Variants in RHCE observed in about 807,000 individuals in gnomAD.
RHCE encodes Rh blood group CcEe antigens, also known as blood group Rh(CE) polypeptide.
A neutral mutation model predicts 43.8 loss-of-function variants in RHCE; 22 were observed. That is an observed-to-expected ratio of 0.50 (90% CI 0.36 to 0.72). The LOEUF is 0.72. Among genes scored for constraint, RHCE ranks in the 30% least tolerant of loss-of-function variants. The pLI is 0.00. For synonymous variants in RHCE, 156 were observed against 210.7 expected (o/e 0.74, Z 2.25); for missense variants, 385 against 525.4 (o/e 0.73, Z 2.61).
At chr1:25,402,796 C>T in intron 2 of RHCE, 50 bp from the exon 3 acceptor site, 1 of 1,606,426 alleles carries the variant, frequency 6.2e-7, no homozygotes, top group Non-Finnish European at 8.5e-7. Flanking sequence ...GGATGCCTCT[C>T]ACTCATTCAT....
chr1:25,427,779 T>C (rs2042816646), intron 2 of RHCE, among the ~76,000 whole-genome samples: 2 of 152,244 alleles, frequency 1.3e-5, no homozygotes, highest in Non-Finnish European at 2.9e-5. Context: ...ACCTATTATG[T>C]GACCTTGTTT....
upstream of RHCE, among the ~76,000 whole-genome samples, chr1:25,421,701 A>C (rs1166616667): frequency 6.6e-6 from 1 of 152,184 alleles, no homozygotes; most frequent in Non-Finnish European, 1.5e-5. Context: ...GCTCCCATCC[A>C]TGTGCCTGGC....
chr1:25,406,316 T>C (rs1646919307), intron 2 of RHCE, among the ~76,000 whole-genome samples: 1 of 120,986 alleles, frequency 8.3e-6, no homozygotes, highest in Non-Finnish European at 1.9e-5. Context: ...ATGGTTTTTG[T>C]TTTGTTTTGT....
upstream of RHCE, among the ~76,000 whole-genome samples, chr1:25,423,616 G>A (rs1482956336): frequency 2.6e-5 from 4 of 152,190 alleles, no homozygotes; most frequent in African/African-American, 4.8e-5. Context: ...CAGATTTCTC[G>A]AAAGCAGAGT....
intron 7 of RHCE, among the ~76,000 whole-genome samples, chr1:25,375,789 CTCTTT>C (rs1249192706): frequency 3.6e-5 from 5 of 138,654 alleles, no homozygotes; most frequent in Non-Finnish European, 3.0e-5. Flanking sequence ...TTCTCTCTCT[CTCTTT>C]TTTTTTTTTT....
At chr1:25,402,462 G>A in intron 3 of RHCE, 134 bp downstream of exon 3, 1 of 1,245,268 alleles carries the variant, frequency 8.0e-7, no homozygotes. Context: ...CTGGCCTCAA[G>A]TGATCTTCCC....
intron 8 of RHCE, among the ~76,000 whole-genome samples, chr1:25,371,396 G>A (rs1335203241): frequency 1.3e-5 from 2 of 151,040 alleles, no homozygotes; most frequent in Admixed American, 6.6e-5. Context: ...TTTGGAACAG[G>A]GTCTCATTCT....
intron 8 of RHCE, among the ~76,000 whole-genome samples, chr1:25,371,068 A>ATT (rs1232910862): frequency 6.8e-6 from 1 of 146,254 alleles, no homozygotes; most frequent in South Asian, 2.1e-4. Context: ...TTCTGTAAAC[A>ATT]ATTTTTTTTT....
chr1:25,412,710 T>C (rs1430876744), intron 1 of RHCE, among the ~76,000 whole-genome samples: 1 of 105,482 alleles, frequency 9.5e-6, no homozygotes, highest in East Asian at 2.3e-4. Flanking sequence ...GGGAGACCCT[T>C]TTTTTAAAAA....
chr1:25,415,671 A>G (rs1647355459), intron 1 of RHCE, among the ~76,000 whole-genome samples: 2 of 152,186 alleles, frequency 1.3e-5, no homozygotes, highest in East Asian at 3.8e-4. Context: ...AGCTTTTGAT[A>G]ATAAAAGCTA....
chr1:25,391,037 T>C, intron 4 of RHCE, 122 bp from the exon 5 acceptor site: 1 of 1,378,814 alleles, frequency 7.3e-7, no homozygotes, highest in East Asian at 2.3e-5. Flanking sequence ...TAGAGTTAGA[T>C]GGGGAAGTCA....
At chr1:25,369,249 C>G (rs576640385) in intron 9 of RHCE, among the ~76,000 whole-genome samples, 1 of 151,764 alleles carries the variant, frequency 6.6e-6, no homozygotes, top group East Asian at 1.9e-4. Context: ...CTTTAGTGAG[C>G]AACATCTTGG....
chr1:25,399,670 C>CACCT (rs897726388), intron 3 of RHCE, among the ~76,000 whole-genome samples: 17 of 152,174 alleles, frequency 1.1e-4, no homozygotes, highest in African/African-American at 4.1e-4. Flanking sequence ...CGGTAGATAC[C>CACCT]ACCTACCGAT....
At chr1:25,394,983 C>T (rs1646496051) in intron 3 of RHCE, among the ~76,000 whole-genome samples, 1 of 147,766 alleles carries the variant, frequency 6.8e-6, no homozygotes, top group East Asian at 1.9e-4. Flanking sequence ...AGTGCTAAGC[C>T]CTCCTCTAGA....
intron 3 of RHCE, among the ~76,000 whole-genome samples, chr1:25,399,783 C>T (rs957546342): frequency 1.3e-5 from 2 of 152,130 alleles, no homozygotes; most frequent in African/African-American, 4.8e-5. Context: ...TCTGAAGATA[C>T]AGAAGTTCCA....
At chr1:25,371,069 A>ATT (rs111897985) in intron 8 of RHCE, among the ~76,000 whole-genome samples, 19 of 142,540 alleles carry the variant, frequency 1.3e-4, no homozygotes, top group African/African-American at 4.2e-4. Flanking sequence ...TCTGTAAACA[A>ATT]TTTTTTTTTT....
At chr1:25,369,005 C>A (rs1325918448) in intron 9 of RHCE, among the ~76,000 whole-genome samples, 10 of 151,798 alleles carry the variant, frequency 6.6e-5, no homozygotes, top group Non-Finnish European at 1.3e-4. Flanking sequence ...AAGTGATCCA[C>A]CCGCCTTGGC....
intron 7 of RHCE, among the ~76,000 whole-genome samples, chr1:25,384,318 A>G (rs1374141203): frequency 6.6e-6 from 1 of 151,814 alleles, no homozygotes; most frequent in East Asian, 1.9e-4. Context: ...AAGTCATTGG[A>G]TCTGGCAACA....
chr1:25,379,495 ATTTT>A lies in RHCE; in HGVS notation c.1074-4071_1074-4068del, dbSNP rs770791604. Among the ~76,000 whole-genome samples the A allele has an allele frequency of 1.3e-3, 36 of 27,018 alleles. 1 individual carries two copies. Among genetic ancestry groups the A allele is most frequent in the Admixed American group, 3.0e-3 (4 of 1,354 alleles). The allele number at this position is 27,018 out of a possible 152,430, so 17.7% of individuals were successfully genotyped here. On this transcript the variant is annotated intron_variant, in intron 7 of 9. Transcript: ENST00000294413. Reference sequence around the variant, plus strand: ...TATATATATATATATATATATATATATTTTTTTTTTTTTTTTTTTTTTTTTTAAA... The same window carrying A: ...TATATATATATATATATATATATATATTTTTTTTTTTTTTTTTTTTTTAAA...
Sources: allele counts gnomAD v4.1 joint callset (sites outside exome capture counted in the v4.1 genomes callset), GRCh38; gene constraint gnomAD v4.1.1; transcripts MANE v1.5; gene names NCBI Gene and HGNC (gene_info 2026-07-23, HGNC 2026-07-21).